The following LHX5 variants were observed in gnomAD, a reference collection of about 807,000 sequenced individuals.
LHX5 encodes the protein LIM homeobox 5.
Under a neutral mutation model 30.6 loss-of-function variants are expected in LHX5, and 5 were observed. The ratio of observed to expected loss-of-function variants is 0.16; its 90% CI spans 0.09 to 0.34. The LOEUF (loss-of-function observed/expected upper bound fraction) is 0.34, where lower values mean the gene tolerates loss of function less well. Ranked by LOEUF, LHX5 falls within the 10% of genes least tolerant of loss-of-function variation. The pLI, the probability that LHX5 is intolerant of heterozygous loss-of-function variation, is 1.00. For missense variants in LHX5, 458 were observed against 570.6 expected (o/e 0.80, Z 2.01); for synonymous variants, 266 against 252.6 (o/e 1.05, Z -0.50).
intron 1 of LHX5, among the ~76,000 whole-genome samples, chr12:113,469,682 C>A (rs1236565293): frequency 6.6e-6 from 1 of 152,252 alleles, no homozygotes; most frequent in East Asian, 1.9e-4. Flanking sequence ...CCTGCCTGGG[C>A]TGCTCCAGGC....
At position 113,471,557 on chromosome 12, in the gene LHX5, G is replaced by T; in HGVS notation, c.-59C>A. 2.0e-6 allele frequency: 3 copies of T among 1,477,328 alleles called. No homozygotes were observed. The Admixed American group carries it at 6.5e-5, about 32-fold the overall frequency. The allele number at this position is 1,477,328 out of a possible 1,614,324, so 91.5% of individuals were successfully genotyped here. Reference sequence around the variant, plus strand: ...CCTCCCTTTGGGCCCCTGGCCCTCGGGCCTGCCGGGCCCTCCGCTGCCCTT... The same window carrying T: ...CCTCCCTTTGGGCCCCTGGCCCTCGTGCCTGCCGGGCCCTCCGCTGCCCTT... On this transcript the variant is annotated 5_prime_UTR_variant, in exon 1 of 5. Transcript: ENST00000261731.
intron 1 of LHX5, 89 bp from the exon 2 acceptor site, chr12:113,469,434 G>GTGAAGTCCCCATT: frequency 8.4e-7 from 1 of 1,193,286 alleles, no homozygotes; most frequent in Non-Finnish European, 1.2e-6. Flanking sequence ...CCTGGCTTCG[G>GTGAAGTCCCCATT]TGAAGTCCCC....
rs781244046 is a variant in LHX5 at position 113,471,312 on chromosome 12, G to C, written c.173+14C>G. ...GGGTGGGCGCGCAGGCAGCAGAGCG[G>C]CGCGGCCTCTTACCTGAAAAAGTCA... is the stretch of plus-strand genomic sequence containing the variant. On this transcript the variant is annotated intron_variant, in intron 1 of 4. Coordinates refer to ENST00000261731, the MANE Select transcript of LHX5 (RefSeq NM_022363.3). The C allele has an allele frequency of 1.2e-6, 2 of 1,612,462 alleles. No homozygotes were observed. Among genetic ancestry groups the C allele is most frequent in the Non-Finnish European group, 1.7e-6 (2 of 1,179,550 alleles).
In LHX5 at chr12:113,471,760, C is replaced by T. The variant is rs112078658; in HGVS notation, c.-262G>A. 7.8e-4 allele frequency: 356 copies of T among 454,702 alleles called. 2 individuals are homozygous for T. The highest frequency in any genetic ancestry group is 6.5e-3 in the African/African-American group (316 of 48,626). 28.2% of individuals were successfully genotyped at this position (454,702 alleles called of 1,614,324 possible). On this transcript the variant is annotated 5_prime_UTR_variant, in exon 1 of 5. Transcript: ENST00000261731. The stretch of plus-strand genomic sequence containing the variant: ...GCCCCGGCGCCTGTTCCGGGCTTCC[C>T]CAGGTATCTCGGGTGGCTGCTGGCC...
Position 113,463,267 on chromosome 12 carries a change from G to C in LHX5, c.1132C>G (p.Pro378Ala), listed in dbSNP as rs1958187912. The C allele has an allele frequency of 2.0e-6, 3 of 1,527,086 alleles. No homozygotes were observed. In the South Asian group the frequency reaches 3.6e-5, roughly 18 times the overall value. 94.6% of individuals were successfully genotyped at this position (1,527,086 alleles called of 1,614,324 possible). A position where few individuals can be genotyped will look rare whatever the true frequency, so the allele number is the denominator to read the frequency against. ...VFSGGPSPPF[P>A]MSGTSGYSGP... Reference sequence around the variant, plus strand: ...CTGTAGCCGCTGGTGCCGCTCATTGGGAAGGGCGGGCTGGGCCCGCCGCTG... The same window carrying C: ...CTGTAGCCGCTGGTGCCGCTCATTGCGAAGGGCGGGCTGGGCCCGCCGCTG... The change falls in exon 5 of 5, where the codon CCA (proline) becomes GCA (alanine). Residue 378 changes from proline to alanine, a missense_variant. This residue lies in a region of LHX5 where 255 missense variants were observed against 246.8 expected (regional missense o/e 1.03). Coordinates refer to ENST00000261731, the MANE Select transcript of LHX5 (RefSeq NM_022363.3). The surrounding 1 kb of genome is among the most constrained non-coding windows in gnomAD (Gnocchi z 6.7).
In LHX5 at chr12:113,467,678, G is replaced by T. The variant is rs1958223401; in HGVS notation, c.676-257C>A. Among the ~76,000 whole-genome samples, 1 of 152,226 alleles carries T rather than the reference G, an allele frequency of 6.6e-6. No individual in the cohort carries two copies. Among genetic ancestry groups the T allele is most frequent in the Non-Finnish European group, 1.5e-5 (1 of 68,034 alleles). On this transcript the variant is annotated intron_variant, in intron 3 of 4. Coordinates refer to ENST00000261731, the MANE Select transcript of LHX5 (RefSeq NM_022363.3). The surrounding 1 kb of genome is among the most constrained non-coding windows in gnomAD (Gnocchi z 6.3). ...CTTCCTGGTCCCCGGCTCGCCCGCG[G>T]CCTGACGGCTCTATAAAGGCCTCCC...
rs778288919 is a variant in LHX5 at position 113,467,296 on chromosome 12, C to T, written c.801G>A (p.Glu267=). 3 of 1,553,308 alleles carry T rather than the reference C, an allele frequency of 1.9e-6. No homozygotes were observed. The highest frequency in any genetic ancestry group is 4.8e-5 in the East Asian group (2 of 41,784). ...RMRPLGGRLD[E]SEMLGSTPYT... is the part of the protein sequence containing the mutation. Reference sequence around the variant, plus strand: ...ACGGGGTGGACCCCAACATCTCAGACTCGTCCAAGCGGCCGCCCAGCGGAC... The same window carrying T: ...ACGGGGTGGACCCCAACATCTCAGATTCGTCCAAGCGGCCGCCCAGCGGAC... The change falls in exon 4 of 5, where the codon GAG becomes GAA. Residue 267 remains glutamate, a synonymous_variant. Coordinates refer to ENST00000261731, the MANE Select transcript of LHX5 (RefSeq NM_022363.3). The surrounding 1 kb of genome is among the most constrained non-coding windows in gnomAD (Gnocchi z 6.3).
Position 113,463,678 on chromosome 12 carries a change from A to G in LHX5, c.842-121T>C. 1 of 1,062,436 alleles carries G rather than the reference A, an allele frequency of 9.4e-7. No individual in the cohort carries two copies. The highest frequency in any genetic ancestry group is 1.3e-6 in the Non-Finnish European group (1 of 764,758). The allele number at this position is 1,062,436 out of a possible 1,614,324, so 65.8% of individuals were successfully genotyped here. On this transcript the variant is annotated intron_variant, in intron 4 of 4. Coordinates refer to ENST00000261731, the MANE Select transcript of LHX5 (RefSeq NM_022363.3). The surrounding 1 kb of genome is among the most constrained non-coding windows in gnomAD (Gnocchi z 6.7). ...AGAGGGGAGCGCGCGACACCGACCC[A>G]AGGTTAGAGAGACCTGCGGAGGCCG...
chr12:113,463,279 TG>T lies in LHX5; in HGVS notation c.1119del (p.Ser374AlafsTer6). The T allele has an allele frequency of 6.6e-7, 1 of 1,519,480 alleles. No individual in the cohort carries two copies. 94.1% of individuals were successfully genotyped at this position (1,519,480 alleles called of 1,614,324 possible). A position where few individuals can be genotyped will look rare whatever the true frequency, so the allele number is the denominator to read the frequency against. On this transcript the variant is annotated frameshift_variant, in exon 5 of 5. Coordinates refer to ENST00000261731, the MANE Select transcript of LHX5 (RefSeq NM_022363.3). LOFTEE classifies it high-confidence loss of function. The surrounding 1 kb of genome is among the most constrained non-coding windows in gnomAD (Gnocchi z 6.7). ...GTGCCGCTCATTGGGAAGGGCGGGCTGGGCCCGCCGCTGAATACCTCGCCGG... is the reference window on the plus strand; with the variant it reads ...GTGCCGCTCATTGGGAAGGGCGGGCTGGCCCGCCGCTGAATACCTCGCCGG... ...PMPGEVFSGG[P>X]SPPFPMSGTS...
chr12:113,470,910 A>C (rs1416787520), intron 1 of LHX5, among the ~76,000 whole-genome samples: 1 of 152,116 alleles, frequency 6.6e-6, no homozygotes, highest in Non-Finnish European at 1.5e-5. Context: ...ATTGCGGCCG[A>C]TGGGCTCACA....
At position 113,468,547 on chromosome 12, in the gene LHX5, G is replaced by T. The variant is rs578205665; in HGVS notation, c.398-143C>A. The T allele has an allele frequency of 9.9e-4, 1,054 of 1,061,586 alleles. 1 individual carries two copies. Among genetic ancestry groups the T allele is most frequent in the Non-Finnish European group, 1.3e-3 (988 of 753,566 alleles). 65.8% of individuals were successfully genotyped at this position (1,061,586 alleles called of 1,614,324 possible). ...CCGCTGGATTCCCTCCCAAACCTGC[G>T]ACAGCCCCTCCCCCAGGGACCCGGT... On this transcript the variant is annotated intron_variant, in intron 2 of 4. Coordinates refer to ENST00000261731, the MANE Select transcript of LHX5 (RefSeq NM_022363.3).
chr12:113,470,690 G>A (rs1053230870), intron 1 of LHX5, among the ~76,000 whole-genome samples: 2 of 152,256 alleles, frequency 1.3e-5, no homozygotes, highest in African/African-American at 4.8e-5. Flanking sequence ...CAGCCACAGG[G>A]CCCACAGGGG....
chr12:113,463,407 G>A lies in LHX5; in HGVS notation c.992C>T (p.Ala331Val). The A allele has an allele frequency of 6.4e-7, 1 of 1,553,220 alleles. No individual in the cohort carries two copies. The highest frequency in any genetic ancestry group is 1.4e-5 in the African/African-American group (1 of 73,166). The change falls in exon 5 of 5, where the codon GCC (alanine) becomes GTC (valine). Residue 331 changes from alanine (A) to valine (V), a missense_variant. Ala to Val is a moderately conservative substitution (Grantham distance 64, BLOSUM62 0). This residue lies in a region of LHX5 where 255 missense variants were observed against 246.8 expected (regional missense o/e 1.03). Transcript: ENST00000261731. The surrounding 1 kb of genome is among the most constrained non-coding windows in gnomAD (Gnocchi z 6.7). ...TPLGALEPPLAGPHAADNPRF... is the reference protein window; with the variant it reads ...TPLGALEPPLVGPHAADNPRF... ...GGGGTTGTCCGCGGCGTGCGGGCCG[G>A]CGAGCGGCGGTTCCAGCGCTCCCAG... is the stretch of plus-strand genomic sequence containing the variant.
chr12:113,470,134 C>A (rs1958239434), intron 1 of LHX5, among the ~76,000 whole-genome samples: 1 of 152,136 alleles, frequency 6.6e-6, no homozygotes, highest in Admixed American at 6.5e-5. Context: ...GATCTCATTC[C>A]TTTTCTTTCT....
rs993408506 is a variant in LHX5, at chr12:113,466,427, A to T, written c.841+829T>A. Among the ~76,000 whole-genome samples, 1 of 152,194 alleles carries T rather than the reference A, an allele frequency of 6.6e-6. No homozygotes were observed. Among genetic ancestry groups the T allele is most frequent in the Non-Finnish European group, 1.5e-5 (1 of 68,026 alleles). ...GGAAAAGCTGAGGTGGCAAGGGGAC[A>T]GCTCACCCCAGGCCCAAGCCTGGTA... On this transcript the variant is annotated intron_variant, in intron 4 of 4. Transcript: ENST00000261731. This position sits in a 1 kb window ranked among gnomAD's most constrained non-coding sequence, Gnocchi z 6.5.
chr12:113,469,241 A>G lies in LHX5; in HGVS notation c.278T>C (p.Met93Thr). ...KVFHLNCFTC[M>T]VCNKQLSTGE... ...GGTGGACAGCTGCTTGTTACACACC[A>G]TGCAGGTGAAACAGTTGAGGTGAAA... is the stretch of plus-strand genomic sequence containing the variant. Residue 93 changes from methionine to threonine, a missense_variant, in exon 2 of 5, where the codon ATG (methionine) becomes ACG (threonine). Met to Thr is a moderately conservative substitution (Grantham distance 81, BLOSUM62 -1). This residue lies in a region of LHX5 where 178 missense variants were observed against 238.5 expected (regional missense o/e 0.75). Coordinates refer to ENST00000261731, the MANE Select transcript of LHX5 (RefSeq NM_022363.3). 6.2e-7 allele frequency: 1 copy of G among 1,614,214 alleles called. No individual in the cohort carries two copies. Among genetic ancestry groups the G allele is most frequent in the South Asian group, 1.1e-5 (1 of 91,088 alleles).
chr12:113,470,397 A>C (rs1958241518), intron 1 of LHX5, among the ~76,000 whole-genome samples: 1 of 152,260 alleles, frequency 6.6e-6, no homozygotes. Flanking sequence ...CTTTGCAAGC[A>C]CTGCTACATT....
Position 113,468,388 on chromosome 12 carries a change from G to C in LHX5, c.414C>G (p.Asp138Glu), listed in dbSNP as rs766574037. Reference protein sequence around the residue: ...GSLNSVSSCTDRSLSPDLQDA... With the variant: ...GSLNSVSSCTERSLSPDLQDA... The stretch of plus-strand genomic sequence containing the variant: ...CCTGGAGGTCCGGGGACAAACTGCG[G>C]TCCGTACAGGATGACACTGCGGGCG... Residue 138 changes from aspartate to glutamate, a missense_variant, in exon 3 of 5, where the codon GAC (aspartate) becomes GAG (glutamate). By Grantham distance (45) the Asp-to-Glu change is conservative. Coordinates refer to ENST00000261731, the MANE Select transcript of LHX5 (RefSeq NM_022363.3). The C allele has an allele frequency of 3.7e-6, 6 of 1,613,720 alleles. No homozygotes were observed. Among genetic ancestry groups the C allele is most frequent in the Non-Finnish European group, 5.1e-6 (6 of 1,179,834 alleles).
chr12:113,469,379 G>A (rs1478900138), intron 1 of LHX5, 34 bp from the exon 2 acceptor site: 14 of 1,587,870 alleles, frequency 8.8e-6, no homozygotes, highest in Non-Finnish European at 1.2e-5. Flanking sequence ...CTATGGGGTG[G>A]GACTGCATCC....
Sources: gnomAD v4.1 joint callset for allele counts (sites outside exome capture counted in the v4.1 genomes callset) on GRCh38, gnomAD v4.1.1 for gene constraint, gnomAD v4.1.1 regional missense constraint, Gnocchi (gnomAD v3.1) non-coding constraint, MANE v1.5 for transcripts, NCBI Gene and HGNC (gene_info 2026-07-23, HGNC 2026-07-21) for gene names.